Variants in TLK2 observed in about 807,000 individuals in gnomAD.
The protein encoded by TLK2 is tousled like kinase 2, also known as serine/threonine-protein kinase tousled-like 2.
TLK2 carries 6 observed loss-of-function variants against 117.3 expected under a neutral mutation model. That is an observed-to-expected ratio of 0.05 (90% CI 0.03 to 0.10). The LOEUF (loss-of-function observed/expected upper bound fraction) is 0.10, where lower values mean the gene tolerates loss of function less well. TLK2 is among the 10% of genes least tolerant of loss of function. The probability of loss-of-function intolerance (pLI) is 1.00; values close to 1 mark genes in which losing one functional copy is unlikely to be tolerated. For synonymous variants in TLK2, 257 were observed against 316.7 expected (o/e 0.81, Z 2.00); for missense variants, 299 against 901.2 (o/e 0.33, Z 8.56).
intron 2 of TLK2, among the ~76,000 whole-genome samples, chr17:62,501,361 A>G (rs2074179791): frequency 6.6e-6 from 1 of 152,234 alleles, no homozygotes; most frequent in Non-Finnish European, 1.5e-5. Context: ...AAGGTCTAAA[A>G]TCAGTGACCT....
chr17:62,590,385 G>A (rs1374275242), intron 16 of TLK2, among the ~76,000 whole-genome samples: 1 of 152,136 alleles, frequency 6.6e-6, no homozygotes, highest in Admixed American at 6.5e-5. Context: ...GTTGTGGTGA[G>A]CCAAGATCGC....
intron 15 of TLK2, among the ~76,000 whole-genome samples, chr17:62,581,194 G>A (rs1430815833): frequency 6.6e-6 from 1 of 152,034 alleles, no homozygotes; most frequent in Non-Finnish European, 1.5e-5. Context: ...CTAGAGACGG[G>A]GTCTTGCTAC....
intron 9 of TLK2, among the ~76,000 whole-genome samples, chr17:62,557,513 C>A (rs2078947402): frequency 1.3e-5 from 2 of 152,160 alleles, no homozygotes; most frequent in Admixed American, 6.5e-5. Flanking sequence ...AATGAGGAGA[C>A]CCATATGTAG....
chr17:62,590,503 T>C (rs1291436172), intron 16 of TLK2, among the ~76,000 whole-genome samples: 3 of 152,238 alleles, frequency 2.0e-5, no homozygotes, highest in Admixed American at 1.3e-4. Context: ...AATCTTAATG[T>C]ATTTAAAAAT....
intron 6 of TLK2, among the ~76,000 whole-genome samples, chr17:62,531,333 G>C (rs930248342): frequency 1.3e-5 from 2 of 151,960 alleles, no homozygotes; most frequent in African/African-American, 4.8e-5. Context: ...TCAGTTCCCA[G>C]ATCCTGTTTT....
chr17:62,557,205 G>A (rs1276397376), intron 9 of TLK2, among the ~76,000 whole-genome samples: 2 of 152,160 alleles, frequency 1.3e-5, no homozygotes, highest in African/African-American at 2.4e-5. Context: ...GATAACAGAC[G>A]TGAGCCACCG....
intron 2 of TLK2, among the ~76,000 whole-genome samples, chr17:62,484,392 G>T (rs909033187): frequency 2.0e-5 from 3 of 151,762 alleles, no homozygotes; most frequent in African/African-American, 7.3e-5. Flanking sequence ...CGCTTCCTGG[G>T]TTCAAGCAAT....
chr17:62,606,104 T>C lies in TLK2; in HGVS notation c.1860-26T>C, dbSNP rs764332818. 4.5e-6 allele frequency: 5 copies of C among 1,110,546 alleles called. No individual in the cohort carries two copies. The African/African-American group carries it at 7.8e-5, about 17-fold the overall frequency. 68.8% of individuals were successfully genotyped at this position (1,110,546 alleles called of 1,614,324 possible). A position where few individuals can be genotyped will look rare whatever the true frequency, so the allele number is the denominator to read the frequency against. Reference sequence around the variant, plus strand: ...TAAACTTATATGATCATTATTCTAATAATTTATATTTCTTTTTTGTCCCAG... The same window carrying C: ...TAAACTTATATGATCATTATTCTAACAATTTATATTTCTTTTTTGTCCCAG... On this transcript the variant is annotated intron_variant, in intron 19 of 21. Coordinates refer to ENST00000346027, the MANE Select transcript of TLK2 (RefSeq NM_006852.6).
At chr17:62,600,596 G>A (rs913344522) in intron 17 of TLK2, 55 bp from the exon 18 acceptor site, 15 of 1,486,158 alleles carry the variant, frequency 1.0e-5, no homozygotes, top group Non-Finnish European at 1.4e-5. Flanking sequence ...AATTTAGGTA[G>A]TGTTAATCTG....
intron 2 of TLK2, among the ~76,000 whole-genome samples, chr17:62,501,956 TC>T (rs1267977109): frequency 6.6e-6 from 1 of 150,766 alleles, no homozygotes; most frequent in Non-Finnish European, 1.5e-5. Context: ...AACAAAGTCT[TC>T]CTAAAAAGAA....
chr17:62,542,951 G>A (rs1288704216), intron 7 of TLK2, among the ~76,000 whole-genome samples: 4 of 152,180 alleles, frequency 2.6e-5, no homozygotes, highest in Non-Finnish European at 4.4e-5. Context: ...GCTAGATAGC[G>A]AAATTAGCAT....
At chr17:62,491,620 T>C (rs966807012) in intron 2 of TLK2, among the ~76,000 whole-genome samples, 6 of 152,190 alleles carry the variant, frequency 3.9e-5, no homozygotes, top group African/African-American at 4.8e-5. Flanking sequence ...ACAGTCTTGC[T>C]CTGTCCCCAG....
At chr17:62,597,590 C>G (rs1332178318) in intron 17 of TLK2, among the ~76,000 whole-genome samples, 1 of 152,100 alleles carries the variant, frequency 6.6e-6, no homozygotes, top group East Asian at 1.9e-4. Context: ...TGATTTTATC[C>G]TAGACTGAGA....
chr17:62,512,883 A>ATTATTG (rs946790623), intron 2 of TLK2, among the ~76,000 whole-genome samples: 2 of 145,944 alleles, frequency 1.4e-5, no homozygotes, highest in African/African-American at 5.0e-5. Flanking sequence ...TATTATTATT[A>ATTATTG]TTATTATTAT....
chr17:62,544,508 T>TGG (rs1428575483), intron 7 of TLK2, among the ~76,000 whole-genome samples: 1 of 151,998 alleles, frequency 6.6e-6, no homozygotes, highest in Non-Finnish European at 1.5e-5. Context: ...ACCCTTCCCC[T>TGG]GACATATGAG....
intron 9 of TLK2, among the ~76,000 whole-genome samples, chr17:62,557,496 A>G (rs773425250): frequency 5.7e-4 from 86 of 151,642 alleles, no homozygotes; most frequent in Middle Eastern, 3.4e-3. Flanking sequence ...CCTTTCCTCC[A>G]TCTTTGAATG....
chr17:62,475,514 A>G (rs548164705), upstream of TLK2, among the ~76,000 whole-genome samples: 2 of 150,192 alleles, frequency 1.3e-5, no homozygotes, highest in East Asian at 4.0e-4. Flanking sequence ...AGCTAATTTA[A>G]AAAATATTTT....
chr17:62,579,548 G>T (rs1004076517), intron 14 of TLK2, among the ~76,000 whole-genome samples: 9 of 152,116 alleles, frequency 5.9e-5, no homozygotes, highest in African/African-American at 2.2e-4. Flanking sequence ...ATTTGTTTTT[G>T]CCAGAACTTG....
intron 19 of TLK2, among the ~76,000 whole-genome samples, chr17:62,603,161 T>G (rs2082998796): frequency 6.6e-6 from 1 of 152,146 alleles, no homozygotes; most frequent in Non-Finnish European, 1.5e-5. Context: ...GAGTACTGAC[T>G]GTCTGGGAAT....
Sources: gnomAD v4.1 joint callset for allele counts (sites outside exome capture counted in the v4.1 genomes callset) on GRCh38, gnomAD v4.1.1 for gene constraint, MANE v1.5 for transcripts, NCBI Gene and HGNC (gene_info 2026-07-23, HGNC 2026-07-21) for gene names.